Variants in RPH3AL observed in about 807,000 individuals in gnomAD.
RPH3AL encodes rabphilin 3A like (without C2 domains).
RPH3AL carries 38 observed loss-of-function variants against 43.1 expected under a neutral mutation model. The observed-to-expected ratio is 0.88, with a 90% CI of 0.68 to 1.15. RPH3AL has a LOEUF of 1.15. Ranked by LOEUF, RPH3AL falls within the 50% of genes most tolerant of loss-of-function variation. The pLI, the probability that RPH3AL is intolerant of heterozygous loss-of-function variation, is 0.00. For missense variants in RPH3AL, 462 were observed against 423.2 expected, an observed-to-expected ratio of 1.09 and a Z score of -0.81; for synonymous variants, 189 against 176.3, an observed-to-expected ratio of 1.07 and a Z score of -0.57.
chr17:327,030 C>G (rs1020456897), intron 3 of RPH3AL, among the ~76,000 whole-genome samples: 2 of 152,222 alleles, frequency 1.3e-5, no homozygotes, highest in African/African-American at 2.4e-5. Flanking sequence ...TCTGACAGTG[C>G]CAAGCACTGG....
At position 281,849 on chromosome 17, in the gene RPH3AL, G is replaced by GAA; in HGVS notation, c.356_357insTT (p.Cys120SerfsTer48). The GAA allele has an allele frequency of 6.2e-7, 1 of 1,613,874 alleles. No homozygotes were observed. ...AGGCCTCGATCCCACATTTGGTGCA[G>GAA]ACTTTCTACAAGAGAGAGGACATGG... On this transcript the variant is annotated frameshift_variant, in exon 6 of 10. Transcript: ENST00000331302. LOFTEE classifies it high-confidence loss of function.
At chr17:265,485 C>G (rs1296233750) in intron 6 of RPH3AL, among the ~76,000 whole-genome samples, 1 of 152,162 alleles carries the variant, frequency 6.6e-6, no homozygotes, top group Non-Finnish European at 1.5e-5. Flanking sequence ...CTAAGACAAC[C>G]AGCAGAATTA....
intron 5 of RPH3AL, among the ~76,000 whole-genome samples, chr17:308,552 A>G (rs57622140): frequency 0.091 from 13,826 of 152,266 alleles, 1,454 homozygotes; most frequent in African/African-American, 0.25. Flanking sequence ...CAACCCAAAT[A>G]TCCATCACAG....
At chr17:330,529 C>A (rs1283635549) in intron 2 of RPH3AL, among the ~76,000 whole-genome samples, 1 of 152,236 alleles carries the variant, frequency 6.6e-6, no homozygotes, top group Non-Finnish European at 1.5e-5. Flanking sequence ...CTTGTGCAGT[C>A]ACACTGCTCC....
intron 7 of RPH3AL, among the ~76,000 whole-genome samples, chr17:237,661 A>G (rs910228646): frequency 1.3e-5 from 2 of 152,132 alleles, no homozygotes; most frequent in Non-Finnish European, 2.9e-5. Context: ...CAAAGTGGAG[A>G]GGCCTCCCCA....
At position 319,448 on chromosome 17, in the gene RPH3AL, G is replaced by A. The variant is rs1598122018; in HGVS notation, c.323C>T (p.Ser108Leu). ...CGEVLGFLGSSSVFCKDCRKK... is the reference protein window; with the variant it reads ...CGEVLGFLGSLSVFCKDCRKK... ...CCTGCAGTCTTTGCAGAACACCGAC[G>A]AGCTGCCCAGGAAGCCCAGCACCTC... Residue 108 changes from serine to leucine, a missense_variant, in exon 5 of 10, where the codon TCG becomes TTG. By Grantham distance (145) the Ser-to-Leu change is moderately radical. Transcript: ENST00000331302. The A allele has an allele frequency of 2.5e-6, 4 of 1,612,516 alleles. No individual in the cohort carries two copies. The highest frequency in any genetic ancestry group is 2.2e-5 in the South Asian group (2 of 91,026).
chr17:321,569 G>A (rs1240348416), intron 3 of RPH3AL, 154 bp from the exon 4 acceptor site: 2 of 656,350 alleles, frequency 3.0e-6, no homozygotes, highest in African/African-American at 2.7e-5. Context: ...GATGGCCCAG[G>A]TGGCAACAGA....
chr17:272,972 C>T (rs1461239876), intron 6 of RPH3AL, among the ~76,000 whole-genome samples: 2 of 102,964 alleles, frequency 1.9e-5, no homozygotes, highest in African/African-American at 5.8e-5. Context: ...CAGGGTGAGA[C>T]CCCAGCAAGG....
At chr17:350,920 C>T (rs2045341317) in intron 1 of RPH3AL, among the ~76,000 whole-genome samples, 1 of 152,202 alleles carries the variant, frequency 6.6e-6, no homozygotes, top group Admixed American at 6.5e-5. Context: ...GCCGCACCCA[C>T]TTCCCCGACA....
chr17:316,608 C>G (rs1555520450), intron 5 of RPH3AL, among the ~76,000 whole-genome samples: 1 of 127,808 alleles, frequency 7.8e-6, no homozygotes, highest in Non-Finnish European at 1.6e-5. Context: ...GCTCCACTTC[C>G]ATTGACTTGT....
chr17:324,032 C>T (rs1038554597), intron 3 of RPH3AL, among the ~76,000 whole-genome samples: 5 of 152,072 alleles, frequency 3.3e-5, no homozygotes, highest in Non-Finnish European at 7.4e-5. Flanking sequence ...CCCTCAGAGT[C>T]GCCCTGTAAG....
At chr17:338,878 G>A (rs2045035057) in intron 1 of RPH3AL, 1 of 152,342 alleles carries the variant, frequency 6.6e-6, no homozygotes, top group Non-Finnish European at 1.5e-5. Context: ...GCTTGGAAAA[G>A]GCCCAGTCCT....
chr17:303,365 G>A (rs541300858), intron 5 of RPH3AL, among the ~76,000 whole-genome samples: 52 of 152,132 alleles, frequency 3.4e-4, no homozygotes, highest in African/African-American at 1.0e-3. Context: ...CACTCCAGCC[G>A]GGGCAGCACA....
intron 5 of RPH3AL, among the ~76,000 whole-genome samples, chr17:295,316 A>T (rs2043149663): frequency 6.7e-6 from 1 of 149,228 alleles, no homozygotes; most frequent in African/African-American, 2.5e-5. Flanking sequence ...GAGGGAATGC[A>T]CATCAGTGTG....
At chr17:300,934 A>T (rs2151637679) in intron 5 of RPH3AL, among the ~76,000 whole-genome samples, 2 of 151,758 alleles carry the variant, frequency 1.3e-5, no homozygotes, top group East Asian at 3.9e-4. Context: ...GGGCTGCCAC[A>T]GCCTAGGCCT....
At position 323,261 on chromosome 17, in the gene RPH3AL, TAA is replaced by T. The variant is rs57447716; in HGVS notation, c.78-1848_78-1847del. On this transcript the variant is annotated intron_variant, in intron 3 of 9. Transcript: ENST00000331302. This position sits in a 1 kb window ranked among gnomAD's most constrained non-coding sequence, Gnocchi z 4.4. ...TTCTACACTGCCGGTTTTTCCAATT[TAA>T]AAAAAAAAAAACTGCAATGCCCTAG... 3.5e-5 allele frequency among the ~76,000 whole-genome samples: 5 copies of T among 143,166 alleles called. No homozygotes were observed. Among genetic ancestry groups the T allele is most frequent in the African/African-American group, 5.1e-5 (2 of 39,404 alleles). The allele number at this position is 143,166 out of a possible 152,430, so 93.9% of individuals were successfully genotyped here.
intron 5 of RPH3AL, among the ~76,000 whole-genome samples, chr17:297,853 C>T (rs2043220160): frequency 6.6e-6 from 1 of 152,118 alleles, no homozygotes. Context: ...CTTGTAAGTC[C>T]CCGTTACTCC....
intron 7 of RPH3AL, among the ~76,000 whole-genome samples, chr17:235,695 A>AGATCCAGGGTTCAAAGCTGG (rs2041364999): frequency 9.8e-5 from 2 of 20,382 alleles, no homozygotes; most frequent in Non-Finnish European, 1.9e-4. Flanking sequence ...CTAACAAGAC[A>AGATCCAGGGTTCAAAGCTGG]GGTCCCGGGT....
At chr17:242,588 AC>A (rs2041580976) in intron 7 of RPH3AL, among the ~76,000 whole-genome samples, 1 of 130,008 alleles carries the variant, frequency 7.7e-6, no homozygotes, top group Non-Finnish European at 1.6e-5. Flanking sequence ...TCCTCTATTG[AC>A]TACCTTCCTC....
Sources: allele counts gnomAD v4.1 joint callset (sites outside exome capture counted in the v4.1 genomes callset), GRCh38; gene constraint gnomAD v4.1.1; non-coding constraint Gnocchi (gnomAD v3.1); transcripts MANE v1.5; gene names NCBI Gene and HGNC (gene_info 2026-07-23, HGNC 2026-07-21).